DLGAP2: variants seen among roughly 807,000 people sequenced by gnomAD.
The protein encoded by DLGAP2 is DLG associated protein 2, also known as disks large-associated protein 2.
In DLGAP2, 26 loss-of-function variants were observed where a neutral mutation model predicts 100.3. The ratio of observed to expected loss-of-function variants is 0.26; its 90% confidence interval spans 0.19 to 0.36. DLGAP2 has a LOEUF of 0.36. DLGAP2 is among the 10% of genes least tolerant of loss of function. The probability of loss-of-function intolerance (pLI) is 1.00; values close to 1 mark genes in which losing one functional copy is unlikely to be tolerated. For missense variants in DLGAP2, 1,858 were observed against 1,453.2 expected (o/e 1.28, Z -4.53); for synonymous variants, 886 against 630.1 (o/e 1.41, Z -6.08).
intron 2 of DLGAP2, among the ~76,000 whole-genome samples, chr8:1,245,601 C>G (rs1798886352): frequency 6.6e-6 from 1 of 152,208 alleles, no homozygotes; most frequent in South Asian, 2.1e-4. Context: ...TGAGGGTTAA[C>G]TGCCGAAGGG....
intron 2 of DLGAP2, among the ~76,000 whole-genome samples, chr8:1,130,020 C>G (rs1001156518): frequency 2.6e-5 from 4 of 152,166 alleles, no homozygotes; most frequent in Non-Finnish European, 5.9e-5. Context: ...GCGCGTGTAG[C>G]TCACGTCGGG....
intron 8 of DLGAP2, among the ~76,000 whole-genome samples, chr8:1,638,774 G>C (rs1797829228): frequency 1.3e-5 from 2 of 152,326 alleles, no homozygotes; most frequent in African/African-American, 4.8e-5. Flanking sequence ...CATCCAGGAA[G>C]CTGGGTCTCC....
chr8:797,143 C>T (rs902114158), intron 1 of DLGAP2, among the ~76,000 whole-genome samples: 2 of 152,162 alleles, frequency 1.3e-5, no homozygotes, highest in South Asian at 4.1e-4. Context: ...CAATTGAACA[C>T]GACCCTGTAG....
chr8:1,114,889 T>C (rs756949571), intron 2 of DLGAP2, among the ~76,000 whole-genome samples: 22 of 152,350 alleles, frequency 1.4e-4, no homozygotes, highest in Non-Finnish European at 2.9e-4. Context: ...TTCTGGTATG[T>C]TCTTTCTTTG....
intron 1 of DLGAP2, among the ~76,000 whole-genome samples, chr8:767,555 C>G (rs1228169843): frequency 1.3e-5 from 2 of 152,156 alleles, no homozygotes; most frequent in South Asian, 4.2e-4. Flanking sequence ...CGGGGTTTCA[C>G]CATGTTGGCC....
chr8:1,122,550 A>T (rs931904845), intron 2 of DLGAP2, among the ~76,000 whole-genome samples: 2 of 152,226 alleles, frequency 1.3e-5, no homozygotes, highest in African/African-American at 2.4e-5. Flanking sequence ...CTGTTTTGTC[A>T]TAGTAAACTT....
intron 3 of DLGAP2, among the ~76,000 whole-genome samples, chr8:1,441,532 A>T (rs905843662): frequency 1.3e-5 from 2 of 152,038 alleles, no homozygotes; most frequent in Admixed American, 1.3e-4. Flanking sequence ...TACTAAAAGT[A>T]CAAAAATTAG....
chr8:1,450,774 C>T (rs1157492001), intron 3 of DLGAP2, among the ~76,000 whole-genome samples: 1 of 152,110 alleles, frequency 6.6e-6, no homozygotes, highest in Non-Finnish European at 1.5e-5. Context: ...CTGCGCTCAA[C>T]GTTCCCAAGC....
At chr8:901,015 G>C (rs570592759) in intron 1 of DLGAP2, among the ~76,000 whole-genome samples, 52 of 152,332 alleles carry the variant, frequency 3.4e-4, no homozygotes, top group African/African-American at 1.3e-3. Flanking sequence ...GGTAGGTTGG[G>C]TGTAGTGGCT....
chr8:791,336 G>A (rs891097104), intron 1 of DLGAP2, among the ~76,000 whole-genome samples: 2 of 152,114 alleles, frequency 1.3e-5, no homozygotes, highest in African/African-American at 4.8e-5. Flanking sequence ...AGGCTGTTCC[G>A]GGTTCTCATC....
At chr8:1,631,131 C>T (rs1797634831) in intron 7 of DLGAP2, among the ~76,000 whole-genome samples, 1 of 152,140 alleles carries the variant, frequency 6.6e-6, no homozygotes, top group African/African-American at 2.4e-5. Flanking sequence ...TGCTCAACCA[C>T]TTTTTATTTG....
rs184820228 is a variant in DLGAP2 at position 1,586,291 on chromosome 8, C to T, written c.1442+20397C>T. 1.4e-3 allele frequency among the ~76,000 whole-genome samples: 210 copies of T among 152,300 alleles called. 2 individuals are homozygous for T. Among genetic ancestry groups the T allele is most frequent in the African/African-American group, 4.1e-3 (171 of 41,564 alleles). The stretch of plus-strand genomic sequence containing the variant: ...TGTTACAGTTGCGGGACCGAAGCCC[C>T]GTGTCCTTGTTGTCAGCTGAAGTCA... On this transcript the variant is annotated intron_variant, in intron 6 of 14. Coordinates refer to ENST00000637795, the MANE Select transcript of DLGAP2 (RefSeq NM_001346810.2).
At chr8:903,213 G>C (rs1015940766) in intron 1 of DLGAP2, among the ~76,000 whole-genome samples, 1 of 151,996 alleles carries the variant, frequency 6.6e-6, no homozygotes, top group African/African-American at 2.4e-5. Flanking sequence ...AGGTTGGTTG[G>C]GGCCAAAGAT....
At chr8:1,696,166 T>G (rs551027520) in intron 13 of DLGAP2, among the ~76,000 whole-genome samples, 69 of 152,240 alleles carry the variant, frequency 4.5e-4, no homozygotes, top group African/African-American at 1.6e-3. Flanking sequence ...AAATCCCCAC[T>G]GAATCAAGGG....
At chr8:821,653 C>T (rs1489330056) in intron 1 of DLGAP2, among the ~76,000 whole-genome samples, 1 of 152,152 alleles carries the variant, frequency 6.6e-6, no homozygotes, top group African/African-American at 2.4e-5. Flanking sequence ...TTGTTTGTTT[C>T]TTGGAATCTG....
intron 2 of DLGAP2, among the ~76,000 whole-genome samples, chr8:995,889 G>A (rs1423247877): frequency 6.6e-6 from 1 of 152,140 alleles, no homozygotes; most frequent in Non-Finnish European, 1.5e-5. Context: ...CAGGTGGGCT[G>A]GGGGAAGCAG....
intron 1 of DLGAP2, among the ~76,000 whole-genome samples, chr8:763,970 G>C (rs1821148932): frequency 6.6e-6 from 1 of 152,202 alleles, no homozygotes; most frequent in Non-Finnish European, 1.5e-5. Context: ...TACTGTGTTT[G>C]GCTGAGCTTC....
chr8:1,680,426 AT>A (rs61530328), intron 12 of DLGAP2: 1 of 152,232 alleles, frequency 6.6e-6, no homozygotes. Flanking sequence ...TGGCGTGCTG[AT>A]TTTTTATTGT....
At chr8:852,565 G>A (rs1585932760) in intron 1 of DLGAP2, among the ~76,000 whole-genome samples, 1 of 151,858 alleles carries the variant, frequency 6.6e-6, no homozygotes, top group South Asian at 2.1e-4. Flanking sequence ...GTCTGATTGT[G>A]GTAAATGAGC....
Sources: allele counts gnomAD v4.1 joint callset (sites outside exome capture counted in the v4.1 genomes callset), GRCh38; gene constraint gnomAD v4.1.1; transcripts MANE v1.5; gene names NCBI Gene and HGNC (gene_info 2026-07-23, HGNC 2026-07-21).